Variants in MYOF observed in about 807,000 individuals in gnomAD.
MYOF encodes myoferlin.
In MYOF, 244 loss-of-function variants were observed where a neutral mutation model predicts 284.2. That is an observed-to-expected ratio of 0.86 (90% CI 0.77 to 0.95). The LOEUF (loss-of-function observed/expected upper bound fraction) is 0.95. Among genes scored for constraint, MYOF ranks in the 40% least tolerant of loss-of-function variants. The pLI, the probability that MYOF is intolerant of heterozygous loss-of-function variation, is 0.00. For missense variants in MYOF, 2,496 were observed against 2,560.6 expected, an observed-to-expected ratio of 0.97 and a Z score of 0.54; for synonymous variants, 904 against 919.7, an observed-to-expected ratio of 0.98 and a Z score of 0.31.
At chr10:93,322,597 G>A (rs571049688) in intron 48 of MYOF, among the ~76,000 whole-genome samples, 3 of 152,244 alleles carry the variant, frequency 2.0e-5, no homozygotes, top group Non-Finnish European at 2.9e-5. Flanking sequence ...CTGGCACTCA[G>A]TGCAGGTTGG....
intron 51 of MYOF, among the ~76,000 whole-genome samples, chr10:93,311,489 C>T (rs1024542854): frequency 4.7e-5 from 7 of 150,092 alleles, no homozygotes; most frequent in Admixed American, 1.3e-4. Context: ...AGCATGGTGG[C>T]GTGCGCCTGT....
chr10:93,404,164 CTGA>C lies in MYOF; in HGVS notation c.782_784del (p.Ile261del). Reference sequence around the variant, plus strand: ...CTACTTGCTGACCCTTACCCGGATGCTGATGATCTCATCCATCAATTCAGAAGG... The same window carrying C: ...CTACTTGCTGACCCTTACCCGGATGCTGATCTCATCCATCAATTCAGAAGG... On this transcript the variant is annotated inframe_deletion, in exon 8 of 54. Transcript: ENST00000359263. 1 of 1,614,118 alleles carries C rather than the reference CTGA, an allele frequency of 6.2e-7. No homozygotes were observed. Among genetic ancestry groups the C allele is most frequent in the Non-Finnish European group, 8.5e-7 (1 of 1,179,996 alleles).
chr10:93,442,614 A>G (rs911635445), intron 3 of MYOF, among the ~76,000 whole-genome samples: 2 of 152,154 alleles, frequency 1.3e-5, no homozygotes, highest in Middle Eastern at 3.2e-3. Context: ...ATATTCAGAA[A>G]CTGTTTCTAA....
At chr10:93,349,719 A>G (rs1423698889) in intron 36 of MYOF, 89 bp downstream of exon 36, 3 of 1,457,804 alleles carry the variant, frequency 2.1e-6, no homozygotes, top group Non-Finnish European at 1.8e-6. Context: ...AGGTTTTGGA[A>G]ATAAACTCTG....
At chr10:93,355,446 C>T (rs934069242) in intron 31 of MYOF, among the ~76,000 whole-genome samples, 182 bp downstream of exon 31, 1 of 152,052 alleles carries the variant, frequency 6.6e-6, no homozygotes, top group Non-Finnish European at 1.5e-5. Context: ...ATTAGCCAGG[C>T]ATGGTGACGT....
intron 26 of MYOF, among the ~76,000 whole-genome samples, chr10:93,364,698 T>C (rs1845244877): frequency 6.6e-6 from 1 of 152,212 alleles, no homozygotes; most frequent in Non-Finnish European, 1.5e-5. Flanking sequence ...GGATTTGGAA[T>C]TCTTTGGACA....
chr10:93,465,191 G>C (rs997884321), intron 1 of MYOF, among the ~76,000 whole-genome samples: 1 of 152,216 alleles, frequency 6.6e-6, no homozygotes, highest in African/African-American at 2.4e-5. Context: ...CAGCTAGTAA[G>C]TGATGGAGCT....
intron 42 of MYOF, 88 bp downstream of exon 42, chr10:93,333,670 C>A: frequency 2.0e-6 from 3 of 1,510,542 alleles, no homozygotes; most frequent in Non-Finnish European, 2.7e-6. Context: ...AGATAACAGA[C>A]GCCCAGAAAG....
chr10:93,436,396 C>G (rs1302829245), intron 3 of MYOF, among the ~76,000 whole-genome samples: 1 of 152,110 alleles, frequency 6.6e-6, no homozygotes, highest in Non-Finnish European at 1.5e-5. Context: ...AGTTCCATAT[C>G]CTATTTGGAA....
intron 38 of MYOF, among the ~76,000 whole-genome samples, chr10:93,342,869 G>A (rs1337531144): frequency 6.6e-6 from 1 of 152,218 alleles, no homozygotes; most frequent in Admixed American, 6.5e-5. Flanking sequence ...GATATTTGGG[G>A]TGGTTTACAA....
chr10:93,369,444 T>A (rs1845486929), intron 25 of MYOF, among the ~76,000 whole-genome samples: 1 of 152,180 alleles, frequency 6.6e-6, no homozygotes, highest in Non-Finnish European at 1.5e-5. Context: ...TTAATCACCA[T>A]GGTGTGTTCC....
At chr10:93,387,934 A>C in intron 18 of MYOF, 21 bp from the exon 19 acceptor site, 2 of 1,582,764 alleles carry the variant, frequency 1.3e-6, no homozygotes, top group South Asian at 2.2e-5. Flanking sequence ...ATAATCCAGG[A>C]TTATTCCTCT....
At chr10:93,390,261 C>T (rs1234413250) in intron 17 of MYOF, among the ~76,000 whole-genome samples, 3 of 152,226 alleles carry the variant, frequency 2.0e-5, no homozygotes, top group East Asian at 1.9e-4. Context: ...ATTTTCATTA[C>T]GTGAAGCTCT....
chr10:93,394,123 A>G (rs1589495678), intron 16 of MYOF, among the ~76,000 whole-genome samples: 1 of 152,226 alleles, frequency 6.6e-6, no homozygotes, highest in African/African-American at 2.4e-5. Context: ...TTCATTCGAG[A>G]TGGGGTCTTG....
In MYOF at chr10:93,333,182, G is replaced by A. The variant is rs571442108; in HGVS notation, c.4811+39C>T. 7.1e-5 allele frequency: 109 copies of A among 1,532,484 alleles called. No homozygotes were observed. In the South Asian group the frequency reaches 1.1e-3, roughly 16 times the overall value. 94.9% of individuals were successfully genotyped at this position (1,532,484 alleles called of 1,614,324 possible). On this transcript the variant is annotated intron_variant, in intron 43 of 53. Coordinates refer to ENST00000359263, the MANE Select transcript of MYOF (RefSeq NM_013451.4). ...AGAGTCTTCATGCATGTTCCGTGGAGAAATGAAGGCCAGAAAAACATTTAA... is the reference window on the plus strand; with the variant it reads ...AGAGTCTTCATGCATGTTCCGTGGAAAAATGAAGGCCAGAAAAACATTTAA...
chr10:93,336,129 G>A, intron 40 of MYOF, 83 bp from the exon 41 acceptor site: 1 of 1,496,176 alleles, frequency 6.7e-7, no homozygotes, highest in South Asian at 1.3e-5. Flanking sequence ...TATCAAGTGG[G>A]CCTGAGGTTG....
intron 19 of MYOF, among the ~76,000 whole-genome samples, chr10:93,385,278 C>T (rs1409680079): frequency 6.6e-6 from 1 of 152,146 alleles, no homozygotes; most frequent in Non-Finnish European, 1.5e-5. Context: ...CTTCTGTCTG[C>T]CTGATTCTTA....
intron 21 of MYOF, among the ~76,000 whole-genome samples, chr10:93,378,503 G>A (rs558011602): frequency 6.6e-5 from 10 of 151,624 alleles, no homozygotes; most frequent in African/African-American, 9.7e-5. Context: ...AGATTTTGCC[G>A]TCGAGTTTTA....
chr10:93,313,201 T>C lies in MYOF; in HGVS notation c.5708A>G (p.Glu1903Gly). 1 of 1,612,814 alleles carries C rather than the reference T, an allele frequency of 6.2e-7. No homozygotes were observed. Among genetic ancestry groups the C allele is most frequent in the Non-Finnish European group, 8.5e-7 (1 of 1,179,418 alleles). ...AATGATCGTGTGACGCAAGTCAAGT[T>C]CTAGGAAACCTAGCCAAGGAAACAA... ...FSLDDYLGFL[E>G]LDLRHTIIPA... The change falls in exon 51 of 54, where the codon GAA becomes GGA. Residue 1903 changes from glutamate (E) to glycine (G), a missense_variant. Coordinates refer to ENST00000359263, the MANE Select transcript of MYOF (RefSeq NM_013451.4).
Sources: gnomAD v4.1 joint callset for allele counts (sites outside exome capture counted in the v4.1 genomes callset) on GRCh38, gnomAD v4.1.1 for gene constraint, MANE v1.5 for transcripts, NCBI Gene and HGNC (gene_info 2026-07-23, HGNC 2026-07-21) for gene names.